EXOC6B: variants seen among roughly 807,000 people sequenced by gnomAD.
EXOC6B encodes exocyst complex component 6B, also known as SEC15 homolog B.
In EXOC6B, 54 loss-of-function variants were observed where a neutral mutation model predicts 113.5. The ratio of observed to expected loss-of-function variants is 0.48; its 90% CI spans 0.38 to 0.60. EXOC6B has a LOEUF of 0.60. Ranked by LOEUF, EXOC6B falls within the 20% of genes least tolerant of loss-of-function variation. The probability of loss-of-function intolerance (pLI) is 0.00; values close to 1 mark genes in which losing one functional copy is unlikely to be tolerated. For missense variants in EXOC6B, 797 were observed against 977.5 expected (o/e 0.82, Z 2.46); for synonymous variants, 357 against 339.0 (o/e 1.05, Z -0.58).
intron 16 of EXOC6B, among the ~76,000 whole-genome samples, chr2:72,490,771 T>C (rs768753189): frequency 1.3e-5 from 2 of 152,164 alleles, no homozygotes; most frequent in Non-Finnish European, 2.9e-5. Context: ...ACCTGACCCG[T>C]ACAGTGTTTC....
At chr2:72,516,238 C>CTACTTTTATTTT (rs566962403) in intron 8 of EXOC6B, among the ~76,000 whole-genome samples, 6 of 152,046 alleles carry the variant, frequency 3.9e-5, no homozygotes, top group African/African-American at 1.4e-4. Flanking sequence ...CTGAATTCTT[C>CTACTTTTATTTT]TACTTTTATT....
intron 6 of EXOC6B, among the ~76,000 whole-genome samples, chr2:72,600,935 A>T (rs1670384737): frequency 6.6e-6 from 1 of 152,170 alleles, no homozygotes; most frequent in Admixed American, 6.5e-5. Context: ...ACACAGTAAG[A>T]AAATGAACAA....
intron 6 of EXOC6B, among the ~76,000 whole-genome samples, chr2:72,600,121 A>G (rs1459499008): frequency 2.0e-5 from 3 of 152,256 alleles, no homozygotes; most frequent in South Asian, 4.1e-4. Context: ...ATCAGAGGAC[A>G]GTGTCCAACT....
At chr2:72,277,079 C>G (rs1453289060) in intron 20 of EXOC6B, among the ~76,000 whole-genome samples, 2 of 152,116 alleles carry the variant, frequency 1.3e-5, no homozygotes, top group African/African-American at 4.8e-5. Context: ...ATGCTGATTT[C>G]CAAATCAGGG....
In EXOC6B at chr2:72,559,479, G is replaced by A. The variant is rs749876156; in HGVS notation, c.889C>T (p.Arg297Ter). ...QDLVDFSPVYRCLHIYSVLGA... is the reference protein window; with the variant it reads ...QDLVDFSPVY ...AGGACAGAATATATATGTAGACATC[G>A]ATAAACTGGAGAGAAATCCACCAAA... The change falls in exon 8 of 22, where the codon CGA (arginine) becomes TGA (stop). Residue 297 changes from arginine (R) to a stop codon, truncating the protein, a stop_gained. Transcript: ENST00000272427. LOFTEE classifies it high-confidence loss of function. 3.1e-6 allele frequency: 5 copies of A among 1,612,358 alleles called. No homozygotes were observed. The highest frequency in any genetic ancestry group is 1.7e-5 in the Admixed American group (1 of 59,802).
intron 17 of EXOC6B, among the ~76,000 whole-genome samples, chr2:72,474,923 A>G (rs1698639810): frequency 6.6e-6 from 1 of 152,192 alleles, no homozygotes. Flanking sequence ...GACATTTTCC[A>G]GAAGATGTAT....
intron 8 of EXOC6B, among the ~76,000 whole-genome samples, chr2:72,538,015 A>T (rs371404876): frequency 1.3e-5 from 2 of 150,292 alleles, no homozygotes; most frequent in South Asian, 2.1e-4. Context: ...GTACAGTGGC[A>T]TTCTCATAGC....
At chr2:72,634,006 C>T (rs945512572) in intron 6 of EXOC6B, among the ~76,000 whole-genome samples, 2 of 150,460 alleles carry the variant, frequency 1.3e-5, no homozygotes, top group Admixed American at 6.6e-5. Context: ...GAGAGTAGGA[C>T]AACGAAAATA....
chr2:72,297,784 C>G (rs1192117830), intron 20 of EXOC6B, among the ~76,000 whole-genome samples: 2 of 152,140 alleles, frequency 1.3e-5, no homozygotes, highest in African/African-American at 2.4e-5. Flanking sequence ...TGTTTAGTTT[C>G]CATGTAGTTG....
chr2:72,224,373 A>C (rs1681065172), intron 20 of EXOC6B, among the ~76,000 whole-genome samples: 1 of 152,214 alleles, frequency 6.6e-6, no homozygotes, highest in Non-Finnish European at 1.5e-5. Context: ...TTTCACTCAT[A>C]AACATTTACC....
chr2:72,573,931 T>A (rs1704667516), intron 7 of EXOC6B, among the ~76,000 whole-genome samples: 1 of 151,930 alleles, frequency 6.6e-6, no homozygotes, highest in Admixed American at 6.6e-5. Flanking sequence ...CTGGCTAACA[T>A]GGTGAAACCC....
intron 8 of EXOC6B, among the ~76,000 whole-genome samples, chr2:72,539,305 G>A (rs1313851339): frequency 6.6e-6 from 1 of 152,200 alleles, no homozygotes; most frequent in African/African-American, 2.4e-5. Context: ...GTTGAGAAGA[G>A]AGAACTCAAT....
chr2:72,558,145 T>A (rs1454866234), intron 8 of EXOC6B, among the ~76,000 whole-genome samples: 1 of 152,112 alleles, frequency 6.6e-6, no homozygotes. Flanking sequence ...TTTAAACCTG[T>A]GAGACATACT....
At chr2:72,725,400 T>A (rs937830929) in intron 5 of EXOC6B, among the ~76,000 whole-genome samples, 6 of 149,906 alleles carry the variant, frequency 4.0e-5, no homozygotes, top group Middle Eastern at 3.2e-3. Context: ...TAATAAGGAT[T>A]TTTTTTTTTT....
intron 20 of EXOC6B, among the ~76,000 whole-genome samples, chr2:72,198,024 C>T (rs138124918): frequency 7.1e-4 from 108 of 152,256 alleles, no homozygotes; most frequent in African/African-American, 2.6e-3. Flanking sequence ...GATCTACATG[C>T]CTCTCACATT....
At chr2:72,241,146 A>C (rs1401213356) in intron 20 of EXOC6B, among the ~76,000 whole-genome samples, 1 of 152,228 alleles carries the variant, frequency 6.6e-6, no homozygotes, top group Non-Finnish European at 1.5e-5. Context: ...GCAAGACCAC[A>C]TGGGTAACGT....
intron 8 of EXOC6B, among the ~76,000 whole-genome samples, chr2:72,546,178 G>A (rs1026183980): frequency 3.3e-5 from 5 of 152,186 alleles, no homozygotes; most frequent in African/African-American, 1.2e-4. Flanking sequence ...GCCAGGCATG[G>A]TGGCTCTCAT....
At chr2:72,688,955 C>T (rs1374567389) in intron 6 of EXOC6B, among the ~76,000 whole-genome samples, 1 of 152,168 alleles carries the variant, frequency 6.6e-6, no homozygotes, top group Non-Finnish European at 1.5e-5. Context: ...TTAGTCATCT[C>T]TGTTTTACCA....
intron 18 of EXOC6B, chr2:72,462,842 A>C (rs976207467): frequency 6.6e-6 from 1 of 152,072 alleles, no homozygotes; most frequent in Non-Finnish European, 1.5e-5. Context: ...GTTGGTGAGA[A>C]GCATCTTCAC....
Sources: gnomAD v4.1 joint callset for allele counts (sites outside exome capture counted in the v4.1 genomes callset) on GRCh38, gnomAD v4.1.1 for gene constraint, MANE v1.5 for transcripts, NCBI Gene and HGNC (gene_info 2026-07-23, HGNC 2026-07-21) for gene names.